The following FRMD6 variants were observed in gnomAD, a reference collection of about 807,000 sequenced individuals.
FRMD6 encodes FERM domain-containing protein 6.
A neutral mutation model predicts 73.2 loss-of-function variants in FRMD6; 37 were observed. That is an observed-to-expected ratio of 0.51 (90% CI 0.39 to 0.66). The LOEUF (loss-of-function observed/expected upper bound fraction) is 0.66, where lower values mean the gene tolerates loss of function less well. FRMD6 is among the 30% of genes least tolerant of loss of function. The pLI, the probability that FRMD6 is intolerant of heterozygous loss-of-function variation, is 0.00. For missense variants in FRMD6, 714 were observed against 780.5 expected (o/e 0.91, Z 1.02); for synonymous variants, 273 against 282.2 (o/e 0.97, Z 0.33).
chr14:51,413,047 G>C, the FRMD6 span, among the ~76,000 whole-genome samples: 3 of 147,228 alleles, frequency 2.0e-5, no homozygotes, highest in African/African-American at 7.6e-5. Flanking sequence ...CTGGAGCGCA[G>C]TGGCGTGATC....
At chr14:51,639,291 C>T (rs1369903046) in intron 2 of FRMD6, among the ~76,000 whole-genome samples, 2 of 151,968 alleles carry the variant, frequency 1.3e-5, no homozygotes, top group African/African-American at 2.4e-5. Context: ...AAAAATTAGC[C>T]GGGCGTCGTG....
chr14:51,585,815 C>T (rs1018987504), intron 2 of FRMD6, among the ~76,000 whole-genome samples: 2 of 150,692 alleles, frequency 1.3e-5, no homozygotes, highest in Non-Finnish European at 3.0e-5. Flanking sequence ...CAATATTTGA[C>T]TTTCTGTTTC....
intron 1 of FRMD6, among the ~76,000 whole-genome samples, chr14:51,550,585 C>CCT (rs1555374779): frequency 6.6e-6 from 1 of 151,046 alleles, no homozygotes; most frequent in Non-Finnish European, 1.5e-5. Context: ...AGGAGACCCC[C>CCT]CCGCCATGCT....
upstream of FRMD6, among the ~76,000 whole-genome samples, chr14:51,487,565 C>A (rs934112325): frequency 3.3e-5 from 5 of 152,314 alleles, no homozygotes; most frequent in Admixed American, 6.5e-5. Context: ...TAGCAAGCCA[C>A]TAAAATGTTA....
intron 9 of FRMD6, chr14:51,714,114 C>T (rs1897108431): frequency 6.6e-6 from 1 of 152,140 alleles, no homozygotes; most frequent in South Asian, 2.1e-4. Context: ...TCAGCTCTGC[C>T]TAGCTGTATG....
chr14:51,398,514 A>C, the FRMD6 span, among the ~76,000 whole-genome samples: 18,544 of 129,782 alleles, frequency 0.14, 1,618 homozygotes, highest in African/African-American at 0.28. Context: ...CATTGTCACA[A>C]ACAATGTTAA....
the FRMD6 span, among the ~76,000 whole-genome samples, chr14:51,425,947 AC>A: frequency 1.2e-4 from 19 of 152,314 alleles, no homozygotes; most frequent in Non-Finnish European, 2.1e-4. Context: ...TAGCAAAAGC[AC>A]AGTGATTATG....
intron 7 of FRMD6, among the ~76,000 whole-genome samples, chr14:51,709,458 A>AT (rs1252914729): frequency 1.3e-5 from 2 of 152,194 alleles, no homozygotes; most frequent in Admixed American, 6.6e-5. Context: ...TTGTGGTAGG[A>AT]TTAGCATAGC....
At chr14:51,525,140 G>GTGGATGGATGGA (rs71121650) in intron 1 of FRMD6, among the ~76,000 whole-genome samples, 18 of 148,642 alleles carry the variant, frequency 1.2e-4, no homozygotes, top group African/African-American at 4.0e-4. Flanking sequence ...TGATAGGTGG[G>GTGGATGGATGGA]TGGATGGATG....
At chr14:51,500,718 A>G (rs1360148289) in intron 1 of FRMD6, among the ~76,000 whole-genome samples, 1 of 152,168 alleles carries the variant, frequency 6.6e-6, no homozygotes, top group East Asian at 1.9e-4. Flanking sequence ...AGGAACCCTG[A>G]AGGCCATAGA....
the FRMD6 span, among the ~76,000 whole-genome samples, chr14:51,404,691 C>A: frequency 6.6e-6 from 1 of 152,184 alleles, no homozygotes; most frequent in African/African-American, 2.4e-5. Flanking sequence ...TTCTCTGCCA[C>A]AAGCCACATG....
At chr14:51,725,307 A>G (rs868820085) in intron 12 of FRMD6, among the ~76,000 whole-genome samples, 1 of 152,174 alleles carries the variant, frequency 6.6e-6, no homozygotes. Context: ...AGCCAGATCT[A>G]TCTGACTTCA....
intron 1 of FRMD6, among the ~76,000 whole-genome samples, chr14:51,560,489 TTGTC>T (rs1887418917): frequency 6.6e-6 from 1 of 152,316 alleles, no homozygotes; most frequent in Non-Finnish European, 1.5e-5. Context: ...CCTACTTTGT[TTGTC>T]TGTTTTTTGA....
At chr14:51,669,078 T>G (rs908449420) in intron 1 of FRMD6, among the ~76,000 whole-genome samples, 1 of 152,246 alleles carries the variant, frequency 6.6e-6, no homozygotes, top group African/African-American at 2.4e-5. Context: ...TAACCAGCAC[T>G]GCGGTCAAGA....
the FRMD6 span, among the ~76,000 whole-genome samples, chr14:51,470,622 T>C: frequency 6.6e-6 from 1 of 152,240 alleles, no homozygotes; most frequent in African/African-American, 2.4e-5. Flanking sequence ...TTTTTATCAT[T>C]CTCTGATTTT....
intron 2 of FRMD6, among the ~76,000 whole-genome samples, chr14:51,625,065 A>T (rs1891066708): frequency 6.6e-6 from 1 of 152,226 alleles, no homozygotes. Context: ...TTATGCTAAA[A>T]GGTGGCAAAA....
intron 2 of FRMD6, among the ~76,000 whole-genome samples, chr14:51,618,487 C>G (rs534881420): frequency 6.6e-6 from 1 of 152,104 alleles, no homozygotes; most frequent in Non-Finnish European, 1.5e-5. Context: ...AGACCTGTTG[C>G]GAGACTACTG....
intron 2 of FRMD6, among the ~76,000 whole-genome samples, chr14:51,639,981 T>C (rs1891745170): frequency 6.6e-6 from 1 of 152,206 alleles, no homozygotes; most frequent in Non-Finnish European, 1.5e-5. Flanking sequence ...CATGTATACA[T>C]TATTAGGTTG....
At chr14:51,560,402 A>G (rs2139503679) in intron 1 of FRMD6, among the ~76,000 whole-genome samples, 1 of 152,344 alleles carries the variant, frequency 6.6e-6, no homozygotes, top group South Asian at 2.1e-4. Context: ...CAGAAGCTGC[A>G]TGGGAGACAG....
Sources: allele counts gnomAD v4.1 joint callset (sites outside exome capture counted in the v4.1 genomes callset), GRCh38; gene constraint gnomAD v4.1.1; transcripts MANE v1.5; gene names NCBI Gene and HGNC (gene_info 2026-07-23, HGNC 2026-07-21).